Variants in CACUL1 observed in about 807,000 individuals in gnomAD.
CACUL1 encodes CDK2 associated cullin domain 1.
A neutral mutation model predicts 45.2 loss-of-function variants in CACUL1; 13 were observed. The observed-to-expected ratio is 0.29, with a 90% confidence interval of 0.19 to 0.46. The LOEUF is 0.46. Ranked by LOEUF, CACUL1 falls within the 20% of genes least tolerant of loss-of-function variation. The pLI, the probability that CACUL1 is intolerant of heterozygous loss-of-function variation, is 1.00. For missense variants in CACUL1, 421 were observed against 471.4 expected (o/e 0.89, Z 0.99); for synonymous variants, 197 against 174.2 (o/e 1.13, Z -1.03).
chr10:118,754,271 G>A (rs904584582), intron 1 of CACUL1, 125 bp downstream of exon 1: 7 of 1,368,230 alleles, frequency 5.1e-6, no homozygotes, highest in African/African-American at 1.5e-5. Flanking sequence ...GGCGAAGGCG[G>A]ACGGGGAGAA....
At chr10:118,716,227 G>A (rs531937213) in intron 3 of CACUL1, among the ~76,000 whole-genome samples, 36 of 147,294 alleles carry the variant, frequency 2.4e-4, no homozygotes, top group Middle Eastern at 3.6e-3. Context: ...GCAAGACTCC[G>A]TCTCAAAAAA....
At chr10:118,697,916 A>C (rs1345101112) in intron 5 of CACUL1, among the ~76,000 whole-genome samples, 1 of 152,208 alleles carries the variant, frequency 6.6e-6, no homozygotes, top group African/African-American at 2.4e-5. Context: ...CCAAAAATAG[A>C]AGCCACTTTA....
In CACUL1 at chr10:118,678,365, C is replaced by T. The variant is rs192090354; in HGVS notation, c.*7763G>A. 2 of 152,192 alleles carry T rather than the reference C, an allele frequency of 1.3e-5. No individual in the cohort carries two copies. Among genetic ancestry groups the T allele is most frequent in the African/African-American group, 2.4e-5 (1 of 41,448 alleles). 9.4% of individuals were successfully genotyped at this position (152,192 alleles called of 1,614,324 possible). A position where few individuals can be genotyped will look rare whatever the true frequency, so the allele number is the denominator to read the frequency against. The stretch of plus-strand genomic sequence containing the variant: ...ATGAAATTCTTCCCTACTCCAAAGT[C>T]ATTGTTTTAATCACTACCTTTGGCA... On this transcript the variant is annotated 3_prime_UTR_variant, in exon 9 of 9. Transcript: ENST00000369151.
At chr10:118,686,353 G>A (rs148232409) in intron 8 of CACUL1, among the ~76,000 whole-genome samples, 185 bp from the exon 9 acceptor site, 2 of 152,276 alleles carry the variant, frequency 1.3e-5, no homozygotes, top group East Asian at 3.9e-4. Flanking sequence ...AAGGAACTGG[G>A]ACTGGGCTAC....
intron 3 of CACUL1, among the ~76,000 whole-genome samples, chr10:118,722,616 A>G (rs994971388): frequency 2.6e-5 from 4 of 152,198 alleles, no homozygotes; most frequent in Non-Finnish European, 2.9e-5. Context: ...ACTTTACTTA[A>G]TAATGGCTCC....
chr10:118,704,253 A>C (rs1479762296), intron 4 of CACUL1, among the ~76,000 whole-genome samples: 3 of 152,180 alleles, frequency 2.0e-5, no homozygotes, highest in African/African-American at 7.2e-5. Flanking sequence ...GGTATGGAAA[A>C]ATCTACTCCT....
intron 3 of CACUL1, among the ~76,000 whole-genome samples, chr10:118,712,547 G>A (rs1007879344): frequency 1.3e-5 from 2 of 152,246 alleles, no homozygotes; most frequent in African/African-American, 2.4e-5. Context: ...GAAAAGGTAC[G>A]CAGACAAGTG....
At chr10:118,726,258 C>A (rs1564835841) in intron 3 of CACUL1, 1 of 1,206,424 alleles carries the variant, frequency 8.3e-7, no homozygotes, top group African/African-American at 1.6e-5. Flanking sequence ...TCACACTGAA[C>A]AAATAAATAA....
chr10:118,732,100 G>A (rs1431345598), intron 1 of CACUL1, among the ~76,000 whole-genome samples: 1 of 152,194 alleles, frequency 6.6e-6, no homozygotes, highest in African/African-American at 2.4e-5. Flanking sequence ...GGAGGGTTTT[G>A]AGCAGAGGAG....
At chr10:118,698,594 A>C (rs1845346413) in intron 5 of CACUL1, among the ~76,000 whole-genome samples, 1 of 152,074 alleles carries the variant, frequency 6.6e-6, no homozygotes. Flanking sequence ...CTGTATCTTG[A>C]GATACTCACT....
chr10:118,690,469 G>A (rs1397779904), intron 7 of CACUL1, among the ~76,000 whole-genome samples: 1 of 151,900 alleles, frequency 6.6e-6, no homozygotes, highest in African/African-American at 2.4e-5. Context: ...AGATTTTTTG[G>A]GATATGACCA....
chr10:118,706,941 G>A (rs1845438155), intron 4 of CACUL1, among the ~76,000 whole-genome samples: 1 of 152,190 alleles, frequency 6.6e-6, no homozygotes, highest in Admixed American at 6.5e-5. Flanking sequence ...GAAGAACGGG[G>A]ATCATGGTTT....
intron 7 of CACUL1, among the ~76,000 whole-genome samples, chr10:118,690,737 T>C (rs1027040465): frequency 6.6e-6 from 1 of 152,174 alleles, no homozygotes; most frequent in Non-Finnish European, 1.5e-5. Context: ...GCTCACCCAG[T>C]GGGAAATCCC....
At chr10:118,747,299 T>C (rs954505851) in intron 1 of CACUL1, among the ~76,000 whole-genome samples, 3 of 152,306 alleles carry the variant, frequency 2.0e-5, no homozygotes, top group African/African-American at 7.2e-5. Context: ...GGAGCTGTCA[T>C]ATACAGCTGA....
At chr10:118,695,275 T>G (rs778155115) in intron 5 of CACUL1, 45 bp from the exon 6 acceptor site, 1 of 1,057,418 alleles carries the variant, frequency 9.5e-7, no homozygotes, top group Non-Finnish European at 1.5e-6. Flanking sequence ...ACATATTGAC[T>G]GTCAAGATTT....
intron 3 of CACUL1, among the ~76,000 whole-genome samples, chr10:118,708,678 G>A (rs942640130): frequency 6.6e-6 from 1 of 152,144 alleles, no homozygotes; most frequent in African/African-American, 2.4e-5. Flanking sequence ...GTAGAGCTGT[G>A]ATCTATAGGA....
Position 118,684,257 on chromosome 10 carries a change from T to A in CACUL1, c.*1871A>T, listed in dbSNP as rs1226768588. 6.6e-6 allele frequency: 1 copy of A among 152,630 alleles called. No homozygotes were observed. Among genetic ancestry groups the A allele is most frequent in the African/African-American group, 2.4e-5 (1 of 41,458 alleles). The allele number at this position is 152,630 out of a possible 1,614,324, so 9.5% of individuals were successfully genotyped here. A position where few individuals can be genotyped will look rare whatever the true frequency, so the allele number is the denominator to read the frequency against. ...AGAATTTCTCCACATTTAGAAACAT[T>A]CCAATTTTATTCCTTTCAGAAAAAT... On this transcript the variant is annotated 3_prime_UTR_variant, in exon 9 of 9. Transcript: ENST00000369151.
intron 5 of CACUL1, among the ~76,000 whole-genome samples, chr10:118,698,436 G>A (rs1328145064): frequency 6.6e-6 from 1 of 152,062 alleles, no homozygotes; most frequent in Non-Finnish European, 1.5e-5. Context: ...GAGCCATCGC[G>A]CCCAGCCGAC....
chr10:118,720,385 C>G (rs1447087632), intron 3 of CACUL1, among the ~76,000 whole-genome samples: 1 of 152,218 alleles, frequency 6.6e-6, no homozygotes, highest in Admixed American at 6.5e-5. Flanking sequence ...ACTTAGCAAA[C>G]AGTAACTTAC....
Sources: gnomAD v4.1 joint callset for allele counts (sites outside exome capture counted in the v4.1 genomes callset) on GRCh38, gnomAD v4.1.1 for gene constraint, MANE v1.5 for transcripts, NCBI Gene and HGNC (gene_info 2026-07-23, HGNC 2026-07-21) for gene names.